FARS2: variants seen among roughly 807,000 people sequenced by gnomAD.
The protein encoded by FARS2 is phenylalanine--tRNA ligase, mitochondrial.
In FARS2, 40 loss-of-function variants were observed where a neutral mutation model predicts 46.4. The ratio of observed to expected loss-of-function variants is 0.86; its 90% CI spans 0.67 to 1.12. FARS2 has a LOEUF of 1.12. Ranked by LOEUF, FARS2 falls within the 50% of genes most tolerant of loss-of-function variation. The pLI is 0.00. For synonymous variants in FARS2, 234 were observed against 214.9 expected (o/e 1.09, Z -0.78); for missense variants, 513 against 567.9 (o/e 0.90, Z 0.98).
At chr6:5,392,868 AT>A (rs1260687735) in intron 2 of FARS2, among the ~76,000 whole-genome samples, 2 of 147,572 alleles carry the variant, frequency 1.4e-5, no homozygotes, top group Non-Finnish European at 3.0e-5. Context: ...GTGTGTATAT[AT>A]TATATATATG....
At chr6:5,701,358 C>T (rs1268906141) in intron 6 of FARS2, among the ~76,000 whole-genome samples, 1 of 152,228 alleles carries the variant, frequency 6.6e-6, no homozygotes, top group South Asian at 2.1e-4. Context: ...GCCACTGCAC[C>T]TTGTCTGTGC....
intron 5 of FARS2, among the ~76,000 whole-genome samples, chr6:5,601,598 T>C (rs569466622): frequency 6.6e-6 from 1 of 150,874 alleles, no homozygotes; most frequent in South Asian, 2.1e-4. Flanking sequence ...CAGCATAGCC[T>C]GGCCTTAGTA....
At chr6:5,607,281 ATGTATGTGTGTG>A (rs1474130677) in intron 5 of FARS2, among the ~76,000 whole-genome samples, 2,385 of 147,482 alleles carry the variant, frequency 0.016, 41 homozygotes, top group African/African-American at 0.038. Context: ...AAAGAATAAT[ATGTATGTGTGTG>A]TGTGTGTGTG....
intron 1 of FARS2, among the ~76,000 whole-genome samples, chr6:5,362,293 ACT>A (rs1758354074): frequency 6.6e-6 from 1 of 152,124 alleles, no homozygotes; most frequent in African/African-American, 2.4e-5. Flanking sequence ...GTTGTTTAAT[ACT>A]CTTATTACCA....
chr6:5,644,408 G>T (rs1312663253), intron 6 of FARS2, among the ~76,000 whole-genome samples: 1 of 152,086 alleles, frequency 6.6e-6, no homozygotes, highest in Non-Finnish European at 1.5e-5. Flanking sequence ...TAGTAATGGA[G>T]TTTCACCATG....
At chr6:5,699,163 G>T (rs1201757084) in intron 6 of FARS2, among the ~76,000 whole-genome samples, 2 of 152,126 alleles carry the variant, frequency 1.3e-5, no homozygotes, top group Non-Finnish European at 2.9e-5. Context: ...ATGTGATAGG[G>T]TTACTTCTCC....
chr6:5,615,380 TC>T, intron 6 of FARS2, among the ~76,000 whole-genome samples: 1 of 152,346 alleles, frequency 6.6e-6, no homozygotes, highest in East Asian at 1.9e-4. Context: ...CTGTCTTTTC[TC>T]CCTTGTGTAC....
intron 6 of FARS2, among the ~76,000 whole-genome samples, chr6:5,646,011 G>A (rs1777057202): frequency 2.6e-5 from 4 of 152,162 alleles, no homozygotes; most frequent in Non-Finnish European, 4.4e-5. Context: ...CCTGTTTTTA[G>A]GACTGAAGGG....
At chr6:5,620,854 C>G (rs564118036) in intron 6 of FARS2, among the ~76,000 whole-genome samples, 5 of 152,236 alleles carry the variant, frequency 3.3e-5, no homozygotes, top group African/African-American at 1.2e-4. Flanking sequence ...TAGTTAGCCA[C>G]GTGGGTCAGG....
At chr6:5,429,531 TGCC>T (rs1373489682) in intron 3 of FARS2, among the ~76,000 whole-genome samples, 1 of 152,116 alleles carries the variant, frequency 6.6e-6, no homozygotes, top group Non-Finnish European at 1.5e-5. Flanking sequence ...TGGGGCCGAG[TGCC>T]GTGGCTCCTG....
intron 4 of FARS2, among the ~76,000 whole-genome samples, chr6:5,442,550 T>C (rs1020705168): frequency 2.6e-5 from 4 of 152,186 alleles, no homozygotes; most frequent in African/African-American, 9.6e-5. Context: ...CCCTTTTGCT[T>C]GTCATGCTTG....
chr6:5,539,840 C>T (rs1047801232), intron 4 of FARS2, among the ~76,000 whole-genome samples: 2 of 152,120 alleles, frequency 1.3e-5, no homozygotes, highest in African/African-American at 4.8e-5. Context: ...CTTACCTCGT[C>T]ACACAGGACA....
At chr6:5,706,639 T>C (rs113683709) in intron 6 of FARS2, among the ~76,000 whole-genome samples, 3 of 152,310 alleles carry the variant, frequency 2.0e-5, no homozygotes, top group African/African-American at 7.2e-5. Flanking sequence ...ATTTAGCTTT[T>C]GAAGGAGGCC....
intron 6 of FARS2, among the ~76,000 whole-genome samples, chr6:5,636,854 ATT>A (rs758676661): frequency 3.3e-4 from 50 of 152,274 alleles, no homozygotes; most frequent in Middle Eastern, 3.4e-3. Flanking sequence ...CACCTCGATC[ATT>A]GAGTTACTCT....
intron 6 of FARS2, among the ~76,000 whole-genome samples, chr6:5,683,208 C>T (rs1446160066): frequency 6.6e-6 from 1 of 152,114 alleles, no homozygotes; most frequent in African/African-American, 2.4e-5. Context: ...GTCTGGGTGG[C>T]CTGGACTGGG....
intron 3 of FARS2, among the ~76,000 whole-genome samples, chr6:5,414,811 GTTTTTTT>G (rs35210878): frequency 1.2e-5 from 1 of 86,680 alleles, no homozygotes; most frequent in Non-Finnish European, 2.1e-5. Flanking sequence ...GTATATGACT[GTTTTTTT>G]TTTTTTTTTT....
chr6:5,409,992 GC>G (rs1449131797), intron 3 of FARS2, among the ~76,000 whole-genome samples: 1 of 152,136 alleles, frequency 6.6e-6, no homozygotes, highest in African/African-American at 2.4e-5. Context: ...TGGAACCTGG[GC>G]CCATCTGATG....
intron 4 of FARS2, among the ~76,000 whole-genome samples, chr6:5,474,661 CTG>C (rs1554099248): frequency 2.8e-5 from 2 of 71,316 alleles, no homozygotes; most frequent in African/African-American, 8.2e-5. Context: ...AAATACAGTA[CTG>C]TTTTTTTTTT....
chr6:5,570,863 C>G (rs1409393939), intron 5 of FARS2, among the ~76,000 whole-genome samples: 1 of 152,204 alleles, frequency 6.6e-6, no homozygotes, highest in Non-Finnish European at 1.5e-5. Flanking sequence ...AGAAGCCAAG[C>G]CTGATCCGTC....
Sources: gnomAD v4.1 joint callset for allele counts (sites outside exome capture counted in the v4.1 genomes callset) on GRCh38, gnomAD v4.1.1 for gene constraint, MANE v1.5 for transcripts, NCBI Gene and HGNC (gene_info 2026-07-23, HGNC 2026-07-21) for gene names.